DOCK8: variants seen among roughly 807,000 people sequenced by gnomAD.
DOCK8 encodes the protein dedicator of cytokinesis protein 8.
In DOCK8, 141 loss-of-function variants were observed where a neutral mutation model predicts 245.6. The observed-to-expected ratio is 0.57, with a 90% CI of 0.50 to 0.66. The LOEUF is 0.66. Among genes scored for constraint, DOCK8 ranks in the 30% least tolerant of loss-of-function variants. DOCK8 has a pLI of 0.00. For missense variants in DOCK8, 2,965 were observed against 2,603.4 expected, an observed-to-expected ratio of 1.14 and a Z score of -3.02; for synonymous variants, 1,168 against 970.2, an observed-to-expected ratio of 1.20 and a Z score of -3.79.
At chr9:454,833 C>T (rs1047660461) in intron 46 of DOCK8, among the ~76,000 whole-genome samples, 6 of 152,208 alleles carry the variant, frequency 3.9e-5, no homozygotes, top group South Asian at 4.1e-4. Context: ...ACTAAACATG[C>T]GTTTCTCATT....
intron 1 of DOCK8, among the ~76,000 whole-genome samples, chr9:264,803 A>G (rs1009309641): frequency 6.6e-6 from 1 of 152,186 alleles, no homozygotes; most frequent in Non-Finnish European, 1.5e-5. Flanking sequence ...TCCAGGAACT[A>G]CTCACTCTTG....
intron 27 of DOCK8, 125 bp downstream of exon 27, chr9:405,198 C>A: frequency 2.0e-6 from 2 of 1,011,430 alleles, no homozygotes; most frequent in Non-Finnish European, 2.9e-6. Context: ...ACAATTCAAA[C>A]CAGATCAAGT....
At chr9:222,087 C>A (rs898476833) in intron 1 of DOCK8, among the ~76,000 whole-genome samples, 1 of 151,836 alleles carries the variant, frequency 6.6e-6, no homozygotes, top group Non-Finnish European at 1.5e-5. Context: ...TAGTGAGACA[C>A]CAGCTCTACA....
chr9:259,224 G>T (rs525088), intron 1 of DOCK8, among the ~76,000 whole-genome samples: 73,469 of 151,790 alleles, frequency 0.48, 18,186 homozygotes, highest in East Asian at 0.8. Context: ...GATCTCGTAA[G>T]TCCTGGAGTT....
At chr9:276,461 A>G (rs78369314) in intron 2 of DOCK8, among the ~76,000 whole-genome samples, 1 of 101,428 alleles carries the variant, frequency 9.9e-6, no homozygotes, top group South Asian at 3.3e-4. Context: ...TCTGATGACT[A>G]TGTGTATAAA....
chr9:392,229 A>G (rs2054232281), intron 24 of DOCK8, among the ~76,000 whole-genome samples: 1 of 152,104 alleles, frequency 6.6e-6, no homozygotes, highest in Non-Finnish European at 1.5e-5. Flanking sequence ...CCCAAGAAAA[A>G]GGGAGAAATG....
intron 10 of DOCK8, among the ~76,000 whole-genome samples, chr9:333,598 C>CT: frequency 8.0e-6 from 1 of 124,476 alleles, no homozygotes; most frequent in East Asian, 2.0e-4. Flanking sequence ...GAGACTCTGT[C>CT]TCAAAAAAAA....
intron 47 of DOCK8, 91 bp downstream of exon 47, chr9:463,778 G>T: frequency 6.7e-7 from 1 of 1,496,500 alleles, no homozygotes; most frequent in African/African-American, 1.4e-5. Flanking sequence ...TGCACTTGGG[G>T]AGCTGCAGAA....
intron 46 of DOCK8, among the ~76,000 whole-genome samples, chr9:453,877 A>G (rs2057543179): frequency 6.6e-6 from 1 of 152,170 alleles, no homozygotes; most frequent in East Asian, 1.9e-4. Context: ...AAAGTTGACT[A>G]TGCCCCAGGA....
intron 4 of DOCK8, among the ~76,000 whole-genome samples, chr9:290,392 G>A (rs1437761114): frequency 1.3e-5 from 2 of 152,248 alleles, no homozygotes; most frequent in Admixed American, 1.3e-4. Context: ...TGGGCACCTG[G>A]AATAGAGCCT....
chr9:289,733 A>G (rs145492344), intron 4 of DOCK8, 152 bp downstream of exon 4: 15 of 636,614 alleles, frequency 2.4e-5, no homozygotes, highest in South Asian at 2.2e-4. Context: ...TCCCCACTCC[A>G]TATCACACAC....
At chr9:359,858 A>G (rs990916530) in intron 14 of DOCK8, among the ~76,000 whole-genome samples, 1 of 152,156 alleles carries the variant, frequency 6.6e-6, no homozygotes, top group Non-Finnish European at 1.5e-5. Context: ...ACAAATGAAG[A>G]AAAAGAAATT....
At chr9:263,051 A>G (rs541572477) in intron 1 of DOCK8, among the ~76,000 whole-genome samples, 1 of 152,254 alleles carries the variant, frequency 6.6e-6, no homozygotes, top group African/African-American at 2.4e-5. Context: ...TACTAAGAAT[A>G]CAAAAATGAG....
intron 33 of DOCK8, among the ~76,000 whole-genome samples, chr9:424,106 T>G (rs934147643): frequency 2.6e-5 from 4 of 151,852 alleles, no homozygotes; most frequent in African/African-American, 9.7e-5. Context: ...AAATTATAAC[T>G]GTTCAACCTA....
chr9:213,774 G>A (rs2046663747), upstream of DOCK8: 1 of 151,822 alleles, frequency 6.6e-6, no homozygotes, highest in African/African-American at 2.4e-5. Context: ...TCTGTCGCCA[G>A]GCTGGAGTGC....
chr9:406,370 C>A (rs746403106), intron 27 of DOCK8, among the ~76,000 whole-genome samples: 24 of 151,812 alleles, frequency 1.6e-4, no homozygotes, highest in Admixed American at 6.6e-5. Context: ...GACTGTAATC[C>A]CAGCTACTTG....
chr9:317,697 A>G (rs1325326953), intron 7 of DOCK8, among the ~76,000 whole-genome samples: 1 of 152,212 alleles, frequency 6.6e-6, no homozygotes, highest in Non-Finnish European at 1.5e-5. Context: ...GACTGTAGTA[A>G]ACTATGTTAA....
intron 1 of DOCK8, among the ~76,000 whole-genome samples, chr9:249,188 A>G (rs541564485): frequency 6.6e-6 from 1 of 152,318 alleles, no homozygotes; most frequent in South Asian, 2.1e-4. Flanking sequence ...TCAAGTCTAG[A>G]GATGGTCCTA....
chr9:406,859 GTA>G, intron 27 of DOCK8, 69 bp from the exon 28 acceptor site: 1 of 1,605,906 alleles, frequency 6.2e-7, no homozygotes, highest in Non-Finnish European at 8.5e-7. Context: ...CGAGGACTCA[GTA>G]AACACTGGCC....
Sources: gnomAD v4.1 joint callset for allele counts (sites outside exome capture counted in the v4.1 genomes callset) on GRCh38, gnomAD v4.1.1 for gene constraint, MANE v1.5 for transcripts, NCBI Gene and HGNC (gene_info 2026-07-23, HGNC 2026-07-21) for gene names.